Variants in P2RX1 observed in about 807,000 individuals in gnomAD.
P2RX1 encodes the protein purinergic receptor P2X 1.
A neutral mutation model predicts 50.3 loss-of-function variants in P2RX1; 42 were observed. That is an observed-to-expected ratio of 0.83 (90% CI 0.65 to 1.08). The LOEUF (loss-of-function observed/expected upper bound fraction) is 1.08, where lower values mean the gene tolerates loss of function less well. P2RX1 is among the 50% of genes least tolerant of loss of function. The pLI is 0.00. For synonymous variants in P2RX1, 199 were observed against 202.6 expected, an observed-to-expected ratio of 0.98 and a Z score of 0.15; for missense variants, 449 against 529.0, an observed-to-expected ratio of 0.85 and a Z score of 1.48.
rs575138627 is a variant in P2RX1 at position 3,916,277 on chromosome 17, A to G, written c.-52T>C. 585 of 1,587,318 alleles carry G rather than the reference A, an allele frequency of 3.7e-4. 3 individuals are homozygous for G. In the African/African-American group the frequency reaches 6.8e-3, roughly 18 times the overall value. ...AGCCCCCTGCACGGCCTCTGCTCTC[A>G]GGGTGAGCCGGGTGCCACCACCCAC... On this transcript the variant is annotated 5_prime_UTR_variant, in exon 1 of 12. Transcript: ENST00000225538.
chr17:3,901,782 A>C (rs2056151647), intron 7 of P2RX1, among the ~76,000 whole-genome samples: 1 of 152,232 alleles, frequency 6.6e-6, no homozygotes, highest in East Asian at 1.9e-4. Flanking sequence ...GAGGCACGCC[A>C]GGCACACGGC....
chr17:3,909,896 C>A (rs1230770643), intron 1 of P2RX1, among the ~76,000 whole-genome samples: 6 of 150,634 alleles, frequency 4.0e-5, no homozygotes, highest in Non-Finnish European at 5.9e-5. Context: ...ACCATAAAGT[C>A]AAAAAATCCT....
rs538960522 is a variant in P2RX1, at chr17:3,904,759, A to G, written c.357+99T>C. On this transcript the variant is annotated intron_variant, in intron 3 of 11. Transcript: ENST00000225538. The stretch of plus-strand genomic sequence containing the variant: ...TTCCATCACTATGGCCCCTGCAGGA[A>G]GCCTCTCTGGCTTCCCCTCCAGTGC... 1,563 of 902,866 alleles carry G rather than the reference A, an allele frequency of 1.7e-3. 1 individual carries two copies. Among genetic ancestry groups the G allele is most frequent in the Non-Finnish European group, 2.5e-3 (1,415 of 558,004 alleles). 55.9% of individuals were successfully genotyped at this position (902,866 alleles called of 1,614,324 possible).
At chr17:3,902,335 C>T (rs1193005725) in intron 7 of P2RX1, among the ~76,000 whole-genome samples, 5 of 151,612 alleles carry the variant, frequency 3.3e-5, no homozygotes, top group East Asian at 1.9e-4. Flanking sequence ...GCTCTGTCCC[C>T]GAGTCTGGAG....
At chr17:3,905,847 CAAAAAAAAAA>C (rs60059213) in intron 1 of P2RX1, among the ~76,000 whole-genome samples, 2 of 103,200 alleles carry the variant, frequency 1.9e-5, no homozygotes, top group Admixed American at 9.7e-5. Context: ...AATTCTGTCT[CAAAAAAAAAA>C]AAAAAAAAAA....
intron 4 of P2RX1, 96 bp downstream of exon 4, chr17:3,904,234 G>T (rs555546735): frequency 7.9e-7 from 1 of 1,257,930 alleles, no homozygotes; most frequent in Non-Finnish European, 1.2e-6. Flanking sequence ...GGCGGGAGGG[G>T]TGTGGAGAGA....
At chr17:3,905,517 C>A in intron 1 of P2RX1, 150 bp from the exon 2 acceptor site, 2 of 822,372 alleles carry the variant, frequency 2.4e-6, no homozygotes, top group South Asian at 1.7e-5. Context: ...GCCTCCCCTG[C>A]CTCCCGCTGC....
At position 3,897,665 on chromosome 17, in the gene P2RX1, T is replaced by G; in HGVS notation, c.*149A>C. The stretch of plus-strand genomic sequence containing the variant: ...TCAGATTTGCACAGGTCTCTCCTAC[T>G]ATGCACCCTGAGCTTCTGGCAAACT... On this transcript the variant is annotated 3_prime_UTR_variant, in exon 12 of 12. Transcript: ENST00000225538. 1.4e-6 allele frequency: 1 copy of G among 721,484 alleles called. No homozygotes were observed. The highest frequency in any genetic ancestry group is 2.4e-6 in the Non-Finnish European group (1 of 409,874). The allele number at this position is 721,484 out of a possible 1,614,324, so 44.7% of individuals were successfully genotyped here. A position where few individuals can be genotyped will look rare whatever the true frequency, so the allele number is the denominator to read the frequency against.
At position 3,903,690 on chromosome 17, in the gene P2RX1, AC is replaced by A. The variant is rs1482825672; in HGVS notation, c.525-60del. ...CCAGGAGGCCCCCTGTGTGTCCCAC[AC>A]AGAGCTTGGCACAGCAGGGGGTGGG... is the stretch of plus-strand genomic sequence containing the variant. On this transcript the variant is annotated intron_variant, in intron 5 of 11. Coordinates refer to ENST00000225538, the MANE Select transcript of P2RX1 (RefSeq NM_002558.4). The surrounding 1 kb of genome is among the most constrained non-coding windows in gnomAD (Gnocchi z 4.6). 1 of 1,564,460 alleles carries A rather than the reference AC, an allele frequency of 6.4e-7. No individual in the cohort carries two copies. The highest frequency in any genetic ancestry group is 1.4e-5 in the African/African-American group (1 of 73,946).
chr17:3,910,575 T>C lies in P2RX1; in HGVS notation c.138-5208A>G, dbSNP rs182283267. 4.6e-3 allele frequency among the ~76,000 whole-genome samples: 701 copies of C among 152,256 alleles called. 5 individuals carry two copies. Among genetic ancestry groups the C allele is most frequent in the African/African-American group, 0.016 (672 of 41,532 alleles). On this transcript the variant is annotated intron_variant, in intron 1 of 11. Transcript: ENST00000225538. ...GAGACACTGGAGGAGCTGGGACAGG[T>C]GCGGGGGCAGCTCTGGCATGGGTTG...
chr17:3,903,337 G>T lies in P2RX1; in HGVS notation c.612C>A (p.Asn204Lys). 6.2e-7 allele frequency: 1 copy of T among 1,614,134 alleles called. No homozygotes were observed. The highest frequency in any genetic ancestry group is 2.2e-5 in the East Asian group (1 of 44,882). The change falls in exon 7 of 12, where the codon AAC (asparagine) becomes AAA (lysine). Residue 204 changes from asparagine (N) to lysine (K), a missense_variant. By Grantham distance (94) the Asn-to-Lys change is moderately conservative. Coordinates refer to ENST00000225538, the MANE Select transcript of P2RX1 (RefSeq NM_002558.4). The surrounding 1 kb of genome is among the most constrained non-coding windows in gnomAD (Gnocchi z 4.6). ...SFPRFKVNRR[N>K]LVEEVNAAHM... ...GGGCAGCATTCACCTCCTCCACCAG[G>T]TTGCGCCTGTGGGGGTGGAAGGTGT...
Position 3,903,317 on chromosome 17 carries a change from G to T in P2RX1, c.632C>A (p.Ala211Asp). Reference protein sequence around the residue: ...NRRNLVEEVNAAHMKTCLFHK... With the variant: ...NRRNLVEEVNDAHMKTCLFHK... ...AAAGAGGCAGGTCTTCATGTGGGCAGCATTCACCTCCTCCACCAGGTTGCG... is the reference window on the plus strand; with the variant it reads ...AAAGAGGCAGGTCTTCATGTGGGCATCATTCACCTCCTCCACCAGGTTGCG... The change falls in exon 7 of 12, where the codon GCT becomes GAT. Residue 211 changes from alanine to aspartate, a missense_variant. Transcript: ENST00000225538. The surrounding 1 kb of genome is among the most constrained non-coding windows in gnomAD (Gnocchi z 4.6). 6.2e-7 allele frequency: 1 copy of T among 1,614,156 alleles called. No homozygotes were observed. The highest frequency in any genetic ancestry group is 1.3e-5 in the African/African-American group (1 of 75,046).
chr17:3,907,090 G>T (rs534327663), intron 1 of P2RX1, among the ~76,000 whole-genome samples: 1 of 152,214 alleles, frequency 6.6e-6, no homozygotes, highest in Non-Finnish European at 1.5e-5. Flanking sequence ...TGAGCACCTG[G>T]ATTCAGCCAT....
rs2056231927 is a variant in P2RX1, at chr17:3,904,922, T to C, written c.293A>G (p.Asn98Ser). 2 of 1,412,696 alleles carry C rather than the reference T, an allele frequency of 1.4e-6. No homozygotes were observed. Among genetic ancestry groups the C allele is most frequent in the African/African-American group, 1.4e-5 (1 of 69,326 alleles). The allele number at this position is 1,412,696 out of a possible 1,614,324, so 87.5% of individuals were successfully genotyped here. The change falls in exon 3 of 12, where the codon AAC becomes AGC. Residue 98 changes from asparagine (N) to serine (S), a missense_variant. Transcript: ENST00000225538. The part of the protein sequence containing the change: ...ADYVFPAQGD[N>S]SFVVMTNFIV... ...GAAATTGGTCATGACCACGAAGGAG[T>C]TGTCCCCCTAGAAGTGAGGGGCAGG...
intron 1 of P2RX1, among the ~76,000 whole-genome samples, chr17:3,910,089 C>T (rs1217900856): frequency 6.6e-6 from 1 of 151,780 alleles, no homozygotes; most frequent in Non-Finnish European, 1.5e-5. Context: ...ATTTTCCTGC[C>T]TCAGCCTCCT....
rs7214989 is a variant in P2RX1 at position 3,903,401 on chromosome 17, C to A, written c.606-58G>T. ...GTGTCATCCGGGAGGGTGCCCACCA[C>A]GCCCCAAAGCCTGGGGACCCCTCAC... On this transcript the variant is annotated intron_variant, in intron 6 of 11. Coordinates refer to ENST00000225538, the MANE Select transcript of P2RX1 (RefSeq NM_002558.4). This position sits in a 1 kb window ranked among gnomAD's most constrained non-coding sequence, Gnocchi z 4.6. The A allele has an allele frequency of 1.1e-4, 175 of 1,610,756 alleles. 1 individual carries two copies. In the African/African-American group the frequency reaches 2.1e-3, roughly 20 times the overall value.
chr17:3,899,016 C>T lies in P2RX1; in HGVS notation c.884G>A (p.Arg295Lys). The T allele has an allele frequency of 2.5e-6, 4 of 1,612,608 alleles. No homozygotes were observed. Among genetic ancestry groups the T allele is most frequent in the Non-Finnish European group, 3.4e-6 (4 of 1,179,398 alleles). The change falls in exon 9 of 12, where the codon AGG becomes AAG. Residue 295 changes from arginine to lysine, a missense_variant. Physicochemically the swap from Arg to Lys is conservative, Grantham distance 26. Transcript: ENST00000225538. ...LSPGFNFRFA[R>K]HFVENGTNYR... is the part of the protein sequence containing the mutation. Reference sequence around the variant, plus strand: ...GTTGGTCCCGTTCTCCACAAAGTGCCTGGCAAACCTTGGGGAAGGGATGAG... The same window carrying T: ...GTTGGTCCCGTTCTCCACAAAGTGCTTGGCAAACCTTGGGGAAGGGATGAG...
chr17:3,901,581 A>G (rs565080380), intron 7 of P2RX1, among the ~76,000 whole-genome samples: 2 of 152,190 alleles, frequency 1.3e-5, no homozygotes, highest in South Asian at 2.1e-4. Context: ...AGCTGAAAAT[A>G]GTTACTATCT....
rs1293677088 is a variant in P2RX1, at chr17:3,903,939, G to A, written c.513C>T (p.Asp171=). The A allele has an allele frequency of 6.8e-6, 11 of 1,612,970 alleles. No homozygotes were observed. Among genetic ancestry groups the A allele is most frequent in the African/African-American group, 1.3e-5 (1 of 74,892 alleles). ...IFGWCPVEVD[D]DIPRPALLRE... is the part of the protein sequence containing the mutation. Reference sequence around the variant, plus strand: ...GGTCAGAGTGTTACCGCGGGATGTCGTCATCCACCTCCACGGGGCACCAGC... The same window carrying A: ...GGTCAGAGTGTTACCGCGGGATGTCATCATCCACCTCCACGGGGCACCAGC... The change falls in exon 5 of 12, where the codon GAC becomes GAT. Residue 171 remains aspartate, a synonymous_variant. Transcript: ENST00000225538. The surrounding 1 kb of genome is among the most constrained non-coding windows in gnomAD (Gnocchi z 4.6).
Sources: allele counts gnomAD v4.1 joint callset (sites outside exome capture counted in the v4.1 genomes callset), GRCh38; gene constraint gnomAD v4.1.1; non-coding constraint Gnocchi (gnomAD v3.1); transcripts MANE v1.5; gene names NCBI Gene and HGNC (gene_info 2026-07-23, HGNC 2026-07-21).